Variants in CRYBG3 observed in about 807,000 individuals in gnomAD.
The protein encoded by CRYBG3 is crystallin beta-gamma domain containing 3.
CRYBG3 carries 127 observed loss-of-function variants against 244.2 expected under a neutral mutation model. The observed-to-expected ratio is 0.52, with a 90% CI of 0.45 to 0.60. The LOEUF (loss-of-function observed/expected upper bound fraction) is 0.60, where lower values mean the gene tolerates loss of function less well. Ranked by LOEUF, CRYBG3 falls within the 20% of genes least tolerant of loss-of-function variation. The pLI, the probability that CRYBG3 is intolerant of heterozygous loss-of-function variation, is 0.00. For missense variants in CRYBG3, 3,325 were observed against 3,442.5 expected (o/e 0.97, Z 0.85); for synonymous variants, 1,132 against 1,195.8 (o/e 0.95, Z 1.10).
chr3:97,826,117 C>T (rs947998651), intron 1 of CRYBG3, among the ~76,000 whole-genome samples: 15 of 152,106 alleles, frequency 9.9e-5, no homozygotes, highest in Admixed American at 3.9e-4. Context: ...CCCTCTGCTC[C>T]TCTAGGTTAA....
chr3:97,881,582 G>A (rs1291761863), intron 7 of CRYBG3, among the ~76,000 whole-genome samples: 3 of 151,776 alleles, frequency 2.0e-5, no homozygotes, highest in African/African-American at 7.3e-5. Flanking sequence ...CGGGCGTGGT[G>A]GTGCAAGTCT....
chr3:97,822,034 G>C lies in CRYBG3; in HGVS notation c.-173G>C, dbSNP rs918236660. 2 of 453,620 alleles carry C rather than the reference G, an allele frequency of 4.4e-6. No homozygotes were observed. The highest frequency in any genetic ancestry group is 4.4e-5 in the Admixed American group (1 of 22,630). The allele number at this position is 453,620 out of a possible 1,614,324, so 28.1% of individuals were successfully genotyped here. ...GCGGCGTGAGGAGCTGCCGCGCGAG[G>C]AGCGCGTCGCGTCCGCACTTCTCCT... On this transcript the variant is annotated 5_prime_UTR_variant, in exon 1 of 22. Transcript: ENST00000389622.
Position 97,899,016 on chromosome 3 carries a change from A to C in CRYBG3, c.7835A>C (p.Lys2612Thr), listed in dbSNP as rs767628808. 1 of 1,610,984 alleles carries C rather than the reference A, an allele frequency of 6.2e-7. No individual in the cohort carries two copies. The highest frequency in any genetic ancestry group is 8.5e-7 in the Non-Finnish European group (1 of 1,179,072). The stretch of plus-strand genomic sequence containing the variant: ...AGTAAAACAAGATCCATTCATGTTA[A>C]AAGTGGAGTGTAAGTTGCCTCCTCT... Reference protein sequence around the residue: ...FGSKTRSIHVKSGVWVAYQQK... With the variant: ...FGSKTRSIHVTSGVWVAYQQK... Residue 2612 changes from lysine to threonine, a missense_variant, in exon 13 of 22, where the codon AAA (lysine) becomes ACA (threonine). Around this residue, in one of 4 missense-constraint regions of CRYBG3, gnomAD observed 714 missense variants for 803.6 expected, o/e 0.89. Transcript: ENST00000389622.
chr3:97,942,026 A>T, intron 20 of CRYBG3: 1 of 282,078 alleles, frequency 3.5e-6, no homozygotes, highest in Admixed American at 5.2e-5. Context: ...TTTATTGAAC[A>T]TCTGTTGTCA....
intron 17 of CRYBG3, among the ~76,000 whole-genome samples, chr3:97,921,341 G>T (rs1252081231): frequency 2.0e-5 from 3 of 152,064 alleles, no homozygotes; most frequent in Admixed American, 1.3e-4. Context: ...CCATTGAGGG[G>T]ATGATTTATA....
intron 1 of CRYBG3, among the ~76,000 whole-genome samples, chr3:97,825,864 T>C (rs192898555): frequency 2.0e-4 from 31 of 152,334 alleles, no homozygotes; most frequent in Non-Finnish European, 3.7e-4. Flanking sequence ...GGAGAGCTAT[T>C]GGCCTTCAGG....
intron 1 of CRYBG3, among the ~76,000 whole-genome samples, chr3:97,840,457 G>T (rs1018708029): frequency 3.3e-5 from 5 of 152,054 alleles, no homozygotes; most frequent in African/African-American, 1.2e-4. Flanking sequence ...TTCTTTTGGT[G>T]ATTTTAACTT....
intron 3 of CRYBG3, among the ~76,000 whole-genome samples, chr3:97,868,068 G>A (rs1311020551): frequency 6.6e-6 from 1 of 152,038 alleles, no homozygotes; most frequent in Non-Finnish European, 1.5e-5. Context: ...CGGATCACGA[G>A]GTCAGGAGAT....
At chr3:97,844,517 T>G (rs1391091419) in intron 2 of CRYBG3, among the ~76,000 whole-genome samples, 1 of 152,178 alleles carries the variant, frequency 6.6e-6, no homozygotes, top group Non-Finnish European at 1.5e-5. Context: ...CATCTCTTAA[T>G]CCCTTGTTGA....
intron 17 of CRYBG3, chr3:97,933,468 G>A (rs1259994486): frequency 5.0e-6 from 3 of 600,646 alleles, no homozygotes; most frequent in Middle Eastern, 2.6e-4. Flanking sequence ...TTATGAGATT[G>A]ATTGCTTTTC....
intron 1 of CRYBG3, among the ~76,000 whole-genome samples, chr3:97,831,701 G>T (rs1176930661): frequency 1.3e-5 from 2 of 151,994 alleles, no homozygotes; most frequent in Non-Finnish European, 2.9e-5. Context: ...CTGTTAGAGT[G>T]GGGGGGATTA....
chr3:97,849,865 A>G (rs532279910), intron 2 of CRYBG3, among the ~76,000 whole-genome samples: 1 of 152,266 alleles, frequency 6.6e-6, no homozygotes, highest in African/African-American at 2.4e-5. Flanking sequence ...CTTATATCAT[A>G]ACAGGAGGGA....
At chr3:97,835,484 A>G (rs1280273984) in intron 1 of CRYBG3, among the ~76,000 whole-genome samples, 1 of 152,118 alleles carries the variant, frequency 6.6e-6, no homozygotes, top group Admixed American at 6.6e-5. Flanking sequence ...CTGGGGCACA[A>G]TCATGTGGCA....
chr3:97,864,137 G>T lies in CRYBG3; in HGVS notation c.217-80G>T. 3.5e-6 allele frequency: 4 copies of T among 1,148,936 alleles called. No homozygotes were observed. In the South Asian group the frequency reaches 5.0e-5, roughly 14 times the overall value. The allele number at this position is 1,148,936 out of a possible 1,614,324, so 71.2% of individuals were successfully genotyped here. Reference sequence around the variant, plus strand: ...CAAATGTATCCCTGGTGTCTACACAGAATCTGTTTTATAATAGCTTATCAG... The same window carrying T: ...CAAATGTATCCCTGGTGTCTACACATAATCTGTTTTATAATAGCTTATCAG... On this transcript the variant is annotated intron_variant, in intron 2 of 21. Transcript: ENST00000389622.
chr3:97,941,692 AG>A (rs1035201641), intron 20 of CRYBG3: 1 of 154,984 alleles, frequency 6.5e-6, no homozygotes, highest in African/African-American at 2.4e-5. Context: ...TCATTTTCAA[AG>A]TATACAAAGA....
chr3:97,881,190 A>G lies in CRYBG3; in HGVS notation c.7123A>G (p.Ile2375Val), dbSNP rs1194987858. ...QNRRHPQRNF[I>V]LGSLKRVLKD... ...CAGAAGGCATCCACAAAGAAACTTT[A>G]TATTGGGTTCTCTCAAACGTGTCTT... Residue 2375 changes from isoleucine to valine, a missense_variant, in exon 7 of 22, where the codon ATA (isoleucine) becomes GTA (valine). Physicochemically the swap from Ile to Val is conservative, Grantham distance 29. Transcript: ENST00000389622. The G allele has an allele frequency of 6.2e-7, 1 of 1,609,254 alleles. No homozygotes were observed. Among genetic ancestry groups the G allele is most frequent in the Admixed American group, 1.7e-5 (1 of 59,312 alleles).
intron 1 of CRYBG3, among the ~76,000 whole-genome samples, chr3:97,841,010 A>C (rs985150476): frequency 4.6e-5 from 7 of 152,060 alleles, no homozygotes; most frequent in African/African-American, 1.7e-4. Context: ...CTAGTAAAAT[A>C]GAAAAAAAGA....
At position 97,874,131 on chromosome 3, in the gene CRYBG3, T is replaced by G. The variant is rs982666714; in HGVS notation, c.2937T>G (p.Ile979Met). The change falls in exon 4 of 22, where the codon ATT (isoleucine) becomes ATG (methionine). Residue 979 changes from isoleucine (I) to methionine (M), a missense_variant. Ile to Met is a conservative substitution (Grantham distance 10). Coordinates refer to ENST00000389622, the MANE Select transcript of CRYBG3 (RefSeq NM_153605.4). ...QSLDICGTKK[I>M]SGHSEMAELS... Reference sequence around the variant, plus strand: ...TGGATATTTGTGGGACTAAAAAGATTTCTGGTCACTCAGAAATGGCGGAAC... The same window carrying G: ...TGGATATTTGTGGGACTAAAAAGATGTCTGGTCACTCAGAAATGGCGGAAC... 2.6e-6 allele frequency: 4 copies of G among 1,534,404 alleles called. No individual in the cohort carries two copies. The highest frequency in any genetic ancestry group is 2.4e-5 in the East Asian group (1 of 40,904).
rs1559729282 is a variant in CRYBG3 at position 97,876,294 on chromosome 3, G to T, written c.5100G>T (p.Gly1700=). 3.2e-6 allele frequency: 4 copies of T among 1,232,004 alleles called. No homozygotes were observed. The highest frequency in any genetic ancestry group is 6.3e-5 in the East Asian group (2 of 31,676). The allele number at this position is 1,232,004 out of a possible 1,614,324, so 76.3% of individuals were successfully genotyped here. ...ATATCCACCAAAAAGGTGGTGAAGGGATTAGTGAAAAGGCTGAAGTGATAC... is the reference window on the plus strand; with the variant it reads ...ATATCCACCAAAAAGGTGGTGAAGGTATTAGTGAAAAGGCTGAAGTGATAC... ...VENIHQKGGE[G]ISEKAEVIPV... is the part of the protein sequence containing the mutation. Residue 1700 remains glycine (G), a synonymous_variant, in exon 4 of 22, where the codon GGG becomes GGT. Transcript: ENST00000389622.
Sources: allele counts gnomAD v4.1 joint callset (sites outside exome capture counted in the v4.1 genomes callset), GRCh38; gene constraint gnomAD v4.1.1; regional missense constraint gnomAD v4.1.1; transcripts MANE v1.5; gene names NCBI Gene and HGNC (gene_info 2026-07-23, HGNC 2026-07-21).